SLC44A5: variants seen among roughly 807,000 people sequenced by gnomAD.
The protein encoded by SLC44A5 is solute carrier family 44 member 5, also known as choline transporter-like protein 5.
In SLC44A5, 57 loss-of-function variants were observed where a neutral mutation model predicts 101.8. The observed-to-expected ratio is 0.56, with a 90% CI of 0.45 to 0.70. The LOEUF is 0.70. Ranked by LOEUF, SLC44A5 falls within the 30% of genes least tolerant of loss-of-function variation. The pLI is 0.00. For synonymous variants in SLC44A5, 281 were observed against 290.9 expected (o/e 0.97, Z 0.35); for missense variants, 737 against 853.1 (o/e 0.86, Z 1.70).
At chr1:75,446,069 T>A (rs1054058869) in intron 2 of SLC44A5, among the ~76,000 whole-genome samples, 2 of 152,136 alleles carry the variant, frequency 1.3e-5, no homozygotes, top group African/African-American at 2.4e-5. Context: ...GCTACCAGCA[T>A]CTCTTCTCAA....
intron 2 of SLC44A5, among the ~76,000 whole-genome samples, chr1:75,399,354 TAC>T (rs1662330459): frequency 6.6e-6 from 1 of 152,076 alleles, no homozygotes; most frequent in Admixed American, 6.6e-5. Flanking sequence ...TAATCTAACC[TAC>T]ACATAAGAAA....
intron 15 of SLC44A5, 123 bp from the exon 16 acceptor site, chr1:75,219,467 T>C: frequency 1.4e-6 from 1 of 711,814 alleles, no homozygotes; most frequent in South Asian, 1.7e-5. Context: ...AATATTTTAA[T>C]AATATTCATC....
chr1:75,712,713 A>AAACATAGAAAAAAAAAAAAAAAAAAAAAC, the SLC44A5 span, among the ~76,000 whole-genome samples: 1 of 110,642 alleles, frequency 9.0e-6, no homozygotes, highest in African/African-American at 3.5e-5. Flanking sequence ...AAAAAAAAAA[A>AAACATAGAAAAAAAAAAAAAAAAAAAAAC]ATGGAAAAGA....
chr1:75,621,785 A>T, the SLC44A5 span, among the ~76,000 whole-genome samples: 1 of 152,088 alleles, frequency 6.6e-6, no homozygotes, highest in Non-Finnish European at 1.5e-5. Flanking sequence ...GTTTTTAGGG[A>T]CTGTACAATT....
At chr1:75,645,219 T>C in the SLC44A5 span, among the ~76,000 whole-genome samples, 2,389 of 152,286 alleles carry the variant, frequency 0.016, 76 homozygotes, top group African/African-American at 0.053. Flanking sequence ...TCCACAATGG[T>C]TGAACTAGTT....
At chr1:75,225,165 T>C (rs1647171192) in intron 13 of SLC44A5, among the ~76,000 whole-genome samples, 1 of 152,306 alleles carries the variant, frequency 6.6e-6, no homozygotes, top group South Asian at 2.1e-4. Flanking sequence ...TTATGCCATA[T>C]CTTTACTGTA....
chr1:75,362,718 A>T (rs1054903713), intron 3 of SLC44A5, among the ~76,000 whole-genome samples: 1 of 152,002 alleles, frequency 6.6e-6, no homozygotes, highest in African/African-American at 2.4e-5. Context: ...CTAAAATATG[A>T]CCTATCTTGG....
At chr1:75,253,247 C>CCT (rs1328162060) in intron 6 of SLC44A5, among the ~76,000 whole-genome samples, 1 of 152,104 alleles carries the variant, frequency 6.6e-6, no homozygotes, top group Admixed American at 6.5e-5. Context: ...CAGGCCAGGC[C>CCT]CTCTCTCTCA....
At chr1:75,390,637 TCA>T (rs953770038) in intron 3 of SLC44A5, among the ~76,000 whole-genome samples, 3 of 152,224 alleles carry the variant, frequency 2.0e-5, no homozygotes, top group Admixed American at 6.5e-5. Flanking sequence ...ATAAAAACTC[TCA>T]GTTTTTTAAA....
At chr1:75,286,376 G>T (rs1373148829) in intron 5 of SLC44A5, among the ~76,000 whole-genome samples, 1 of 152,088 alleles carries the variant, frequency 6.6e-6, no homozygotes, top group African/African-American at 2.4e-5. Context: ...TCTGTCAGGT[G>T]AGTCTCTTGA....
chr1:75,205,610 T>C (rs1049495891), intron 23 of SLC44A5: 2 of 152,132 alleles, frequency 1.3e-5, no homozygotes, highest in African/African-American at 2.4e-5. Context: ...ATGCCCCTCA[T>C]AAAGGTATTA....
At chr1:75,411,633 C>T (rs1404929343) in intron 2 of SLC44A5, among the ~76,000 whole-genome samples, 1 of 151,886 alleles carries the variant, frequency 6.6e-6, no homozygotes, top group Non-Finnish European at 1.5e-5. Flanking sequence ...TCACCACGTA[C>T]AGAGAGAACA....
chr1:75,709,590 TTTTG>T, the SLC44A5 span, among the ~76,000 whole-genome samples: 1 of 152,210 alleles, frequency 6.6e-6, no homozygotes, highest in Non-Finnish European at 1.5e-5. Context: ...GAAAAGCATG[TTTTG>T]TTTGTTTCCA....
chr1:75,205,714 C>T (rs1646739132), intron 23 of SLC44A5: 1 of 152,092 alleles, frequency 6.6e-6, no homozygotes, highest in Non-Finnish European at 1.5e-5. Context: ...AAAATCAAAC[C>T]TTCTGTAGAA....
chr1:75,254,371 G>T (rs1240292448), intron 6 of SLC44A5, among the ~76,000 whole-genome samples: 1 of 152,106 alleles, frequency 6.6e-6, no homozygotes, highest in African/African-American at 2.4e-5. Context: ...AAAGTAGATG[G>T]TGGTGGTTGC....
At chr1:75,332,936 G>A (rs1004074000) in intron 4 of SLC44A5, among the ~76,000 whole-genome samples, 5 of 152,076 alleles carry the variant, frequency 3.3e-5, no homozygotes, top group Non-Finnish European at 5.9e-5. Context: ...AATGTATGCC[G>A]TTCTCATATT....
chr1:75,387,171 T>C (rs36144517), intron 3 of SLC44A5, among the ~76,000 whole-genome samples: 1 of 152,206 alleles, frequency 6.6e-6, no homozygotes, highest in Non-Finnish European at 1.5e-5. Context: ...ATGTCTAAAA[T>C]ACCAAAAGCA....
At chr1:75,278,447 A>G (rs1307115990) in intron 5 of SLC44A5, among the ~76,000 whole-genome samples, 4 of 152,148 alleles carry the variant, frequency 2.6e-5, no homozygotes, top group African/African-American at 9.7e-5. Flanking sequence ...TCTCAAGCAC[A>G]TCATACCCAA....
chr1:75,416,820 G>T (rs996824641), intron 2 of SLC44A5, among the ~76,000 whole-genome samples: 1 of 152,188 alleles, frequency 6.6e-6, no homozygotes, highest in African/African-American at 2.4e-5. Context: ...GACTTGCATG[G>T]GGCCTGTAGC....
Sources: allele counts gnomAD v4.1 joint callset (sites outside exome capture counted in the v4.1 genomes callset), GRCh38; gene constraint gnomAD v4.1.1; transcripts MANE v1.5; gene names NCBI Gene and HGNC (gene_info 2026-07-23, HGNC 2026-07-21).